FNTB: variants seen among roughly 807,000 people sequenced by gnomAD.
The protein encoded by FNTB is farnesyltransferase, CAAX box, subunit beta.
A neutral mutation model predicts 59.4 loss-of-function variants in FNTB; 27 were observed. The observed-to-expected ratio is 0.45, with a 90% CI of 0.34 to 0.63. The LOEUF (loss-of-function observed/expected upper bound fraction) is 0.63, where lower values mean the gene tolerates loss of function less well. FNTB is among the 20% of genes least tolerant of loss of function. FNTB has a pLI of 0.02. For missense variants in FNTB, 449 were observed against 559.6 expected (o/e 0.80, Z 1.99); for synonymous variants, 230 against 220.7 (o/e 1.04, Z -0.37).
intron 9 of FNTB, among the ~76,000 whole-genome samples, chr14:65,045,597 G>C (rs941795728): frequency 2.0e-5 from 3 of 152,122 alleles, no homozygotes; most frequent in Non-Finnish European, 4.4e-5. Context: ...TGTATTTTTA[G>C]TAGAGACAGG....
In FNTB at chr14:65,012,367, G is replaced by A. The variant is rs1244667794; in HGVS notation, c.260G>A (p.Arg87Gln). Residue 87 changes from arginine to glutamine, a missense_variant, in exon 3 of 12, where the codon CGA (arginine) becomes CAA (glutamine). Arg to Gln is a conservative substitution (Grantham distance 43). Transcript: ENST00000246166. The surrounding 1 kb of genome is among the most constrained non-coding windows in gnomAD (Gnocchi z 5.0). ...KHFHYLKRGL[R>Q]QLTDAYECLD... ...TTCCATTATCTGAAAAGAGGCCTTC[G>A]ACAACTGACAGATGCCTATGAGGTA... is the stretch of plus-strand genomic sequence containing the variant. The A allele has an allele frequency of 4.3e-6, 7 of 1,613,976 alleles. No homozygotes were observed. The South Asian group carries it at 4.4e-5, about 10-fold the overall frequency.
rs1018125080 is a variant in FNTB, at chr14:65,054,124, CT to C, written c.1068-445del. 2.0e-4 allele frequency among the ~76,000 whole-genome samples: 31 copies of C among 151,698 alleles called. No homozygotes were observed. The highest frequency in any genetic ancestry group is 5.3e-4 in the Admixed American group (8 of 15,216). ...GGGGCTTTTATTTTATTGTATTTTA[CT>C]TTTTTGAGACAGGGTCTCACTCTGT... is the stretch of plus-strand genomic sequence containing the variant. On this transcript the variant is annotated intron_variant, in intron 10 of 11. Transcript: ENST00000246166. The surrounding 1 kb of genome is among the most constrained non-coding windows in gnomAD (Gnocchi z 4.4).
Position 65,004,403 on chromosome 14 carries a change from G to A in FNTB, c.209+90G>A, listed in dbSNP as rs543187024. The A allele has an allele frequency of 4.0e-5, 54 of 1,346,880 alleles. No homozygotes were observed. In the Middle Eastern group the frequency reaches 8.7e-4, roughly 22 times the overall value. The allele number at this position is 1,346,880 out of a possible 1,614,324, so 83.4% of individuals were successfully genotyped here. A position where few individuals can be genotyped will look rare whatever the true frequency, so the allele number is the denominator to read the frequency against. On this transcript the variant is annotated intron_variant, in intron 2 of 11. Transcript: ENST00000246166. ...TTCCTCCTTGAGCGAATCTAACCAC[G>A]GGGAGCATCTGCTGCAAGAATGGTG...
chr14:65,046,006 A>C (rs1296311982), intron 9 of FNTB, among the ~76,000 whole-genome samples: 1 of 151,882 alleles, frequency 6.6e-6, no homozygotes, highest in African/African-American at 2.4e-5. Flanking sequence ...TTTTTTTTTG[A>C]GACGGAGTTT....
chr14:65,044,197 A>AGAAGCCACAAGATGG lies in FNTB; in HGVS notation c.823-110_823-96dup. ...CCAGAGCACCAAAACTAGAGTGCCA[A>AGAAGCCACAAGATGG]GAAGCCACAAGATGGGAAACCCTCC... On this transcript the variant is annotated intron_variant, in intron 8 of 11. Coordinates refer to ENST00000246166, the MANE Select transcript of FNTB (RefSeq NM_002028.4). This position sits in a 1 kb window ranked among gnomAD's most constrained non-coding sequence, Gnocchi z 5.5. The AGAAGCCACAAGATGG allele has an allele frequency of 1.3e-6, 2 of 1,567,156 alleles. No homozygotes were observed. Among genetic ancestry groups the AGAAGCCACAAGATGG allele is most frequent in the Non-Finnish European group, 1.7e-6 (2 of 1,153,352 alleles).
chr14:65,012,451 T>TG lies in FNTB; in HGVS notation c.282+62_282+63insG. On this transcript the variant is annotated intron_variant, in intron 3 of 11. Coordinates refer to ENST00000246166, the MANE Select transcript of FNTB (RefSeq NM_002028.4). The surrounding 1 kb of genome is among the most constrained non-coding windows in gnomAD (Gnocchi z 5.0). ...ATCCACCAAATCCTCCTCCTTTTTC[T>TG]ATTTAAACGTAAAAGACTGTTGGGG... The TG allele has an allele frequency of 6.2e-7, 1 of 1,602,270 alleles. No individual in the cohort carries two copies. The highest frequency in any genetic ancestry group is 8.5e-7 in the Non-Finnish European group (1 of 1,171,282).
At position 65,011,431 on chromosome 14, in the gene FNTB, G is replaced by GAAA. The variant is rs767329195; in HGVS notation, c.210-867_210-865dup. On this transcript the variant is annotated intron_variant, in intron 2 of 11. Coordinates refer to ENST00000246166, the MANE Select transcript of FNTB (RefSeq NM_002028.4). This position sits in a 1 kb window ranked among gnomAD's most constrained non-coding sequence, Gnocchi z 4.0. ...GTGACAGAGCGAGACTCCGTCTCAG[G>GAAA]AAAAAAAAAAAAAAAAAAAAAGACT... 3.1e-3 allele frequency among the ~76,000 whole-genome samples: 248 copies of GAAA among 80,046 alleles called. 6 individuals carry two copies. Among genetic ancestry groups the GAAA allele is most frequent in the African/African-American group, 9.1e-3 (215 of 23,698 alleles). 52.5% of individuals were successfully genotyped at this position (80,046 alleles called of 152,430 possible).
chr14:65,004,614 T>G (rs1195396979), intron 2 of FNTB, among the ~76,000 whole-genome samples: 2 of 152,170 alleles, frequency 1.3e-5, no homozygotes, highest in African/African-American at 4.8e-5. Flanking sequence ...AGTGGTGGCC[T>G]GCTGCTCTGG....
chr14:65,059,857 A>C (rs1320197308), intron 11 of FNTB, among the ~76,000 whole-genome samples: 6 of 133,516 alleles, frequency 4.5e-5, no homozygotes, highest in Non-Finnish European at 9.2e-5. Flanking sequence ...TTTTTTTGAG[A>C]CAGAGTCTCG....
chr14:64,993,685 G>T (rs1006399411), intron 1 of FNTB, among the ~76,000 whole-genome samples: 3 of 152,116 alleles, frequency 2.0e-5, no homozygotes, highest in African/African-American at 7.2e-5. Flanking sequence ...GGGAGATATA[G>T]GAAGCAGAGA....
At chr14:65,013,338 C>A (rs77561203) in intron 3 of FNTB, among the ~76,000 whole-genome samples, 3 of 124,842 alleles carry the variant, frequency 2.4e-5, no homozygotes, top group Admixed American at 7.9e-5. Context: ...TTTTTTTTTT[C>A]TTCCTCCAAA....
chr14:64,993,339 A>G (rs943046859), intron 1 of FNTB, among the ~76,000 whole-genome samples: 2 of 152,360 alleles, frequency 1.3e-5, no homozygotes, highest in African/African-American at 4.8e-5. Context: ...GTGTGAGTTT[A>G]TATCTCCAGG....
rs759569768 is a variant in FNTB, at chr14:65,027,921, C to G, written c.605+140C>G. 7 of 1,061,624 alleles carry G rather than the reference C, an allele frequency of 6.6e-6. No individual in the cohort carries two copies. The highest frequency in any genetic ancestry group is 1.6e-5 in the African/African-American group (1 of 63,322). 65.8% of individuals were successfully genotyped at this position (1,061,624 alleles called of 1,614,324 possible). A position where few individuals can be genotyped will look rare whatever the true frequency, so the allele number is the denominator to read the frequency against. On this transcript the variant is annotated intron_variant, in intron 6 of 11. Coordinates refer to ENST00000246166, the MANE Select transcript of FNTB (RefSeq NM_002028.4). This position sits in a 1 kb window ranked among gnomAD's most constrained non-coding sequence, Gnocchi z 5.7. ...CACATGGGATGACATGTCAGTGACA[C>G]GTCAGAATCATTCAGATGTGATGCA...
rs1595096890 is a variant in FNTB, at chr14:65,053,259, G to A, written c.977G>A (p.Ser326Asn). Reference protein sequence around the residue: ...HAQGDPALSMSHWMFHQQALQ... With the variant: ...HAQGDPALSMNHWMFHQQALQ... ...ACAGGTGACCCTGCCCTTAGCATGA[G>A]CCACTGGATGTTCCATCAGCAGGCC... is the stretch of plus-strand genomic sequence containing the variant. The change falls in exon 10 of 12, where the codon AGC becomes AAC. Residue 326 changes from serine to asparagine, a missense_variant. Ser to Asn is a conservative substitution (Grantham distance 46). Coordinates refer to ENST00000246166, the MANE Select transcript of FNTB (RefSeq NM_002028.4). The A allele has an allele frequency of 7.0e-7, 1 of 1,428,480 alleles. No individual in the cohort carries two copies. Among genetic ancestry groups the A allele is most frequent in the Non-Finnish European group, 9.3e-7 (1 of 1,080,232 alleles). The allele number at this position is 1,428,480 out of a possible 1,614,324, so 88.5% of individuals were successfully genotyped here.
chr14:65,059,390 G>A (rs1411909227), intron 11 of FNTB, among the ~76,000 whole-genome samples: 1 of 151,432 alleles, frequency 6.6e-6, no homozygotes, highest in Non-Finnish European at 1.5e-5. Flanking sequence ...CTGTTTCTTT[G>A]TAGGTTTGAT....
intron 4 of FNTB, among the ~76,000 whole-genome samples, chr14:65,016,019 C>A (rs1305912196): frequency 6.6e-6 from 1 of 152,182 alleles, no homozygotes; most frequent in African/African-American, 2.4e-5. Flanking sequence ...CTCTGAGAGA[C>A]AAGATTTTGC....
At chr14:65,016,601 C>T (rs1298645472) in intron 4 of FNTB, 1 of 152,288 alleles carries the variant, frequency 6.6e-6, no homozygotes, top group African/African-American at 2.4e-5. Context: ...CCTCTCTGGT[C>T]ACAGAGCCCC....
chr14:65,054,147 CTG>C lies in FNTB; in HGVS notation c.1068-426_1068-425del, dbSNP rs1475437145. ...TACTTTTTTGAGACAGGGTCTCACT[CTG>C]TCACCCAGGCTGGAGTGCAGTGTCA... On this transcript the variant is annotated intron_variant, in intron 10 of 11. Transcript: ENST00000246166. This position sits in a 1 kb window ranked among gnomAD's most constrained non-coding sequence, Gnocchi z 4.4. Among the ~76,000 whole-genome samples, 1 of 152,032 alleles carries C rather than the reference CTG, an allele frequency of 6.6e-6. No individual in the cohort carries two copies. Among genetic ancestry groups the C allele is most frequent in the Non-Finnish European group, 1.5e-5 (1 of 68,010 alleles).
chr14:65,025,620 G>GC (rs957430331), intron 4 of FNTB, among the ~76,000 whole-genome samples: 9 of 152,264 alleles, frequency 5.9e-5, no homozygotes, highest in African/African-American at 2.2e-4. Flanking sequence ...TTCAAGACTA[G>GC]CCTGGGCAAC....
Sources: allele counts gnomAD v4.1 joint callset (sites outside exome capture counted in the v4.1 genomes callset), GRCh38; gene constraint gnomAD v4.1.1; non-coding constraint Gnocchi (gnomAD v3.1); transcripts MANE v1.5; gene names NCBI Gene and HGNC (gene_info 2026-07-23, HGNC 2026-07-21).